Variants in VSNL1 observed in about 807,000 individuals in gnomAD.
The protein encoded by VSNL1 is visinin-like protein 1.
Under a neutral mutation model 20.4 loss-of-function variants are expected in VSNL1, and 6 were observed. That is an observed-to-expected ratio of 0.29 (90% CI 0.16 to 0.58). The LOEUF (loss-of-function observed/expected upper bound fraction) is 0.58, where lower values mean the gene tolerates loss of function less well. Among genes scored for constraint, VSNL1 ranks in the 20% least tolerant of loss-of-function variants. VSNL1 has a pLI of 0.90. For missense variants in VSNL1, 100 were observed against 234.5 expected (o/e 0.43, Z 3.75); for synonymous variants, 93 against 86.4 (o/e 1.08, Z -0.42).
intron 1 of VSNL1, among the ~76,000 whole-genome samples, chr2:17,552,264 T>TA (rs1483508391): frequency 6.6e-6 from 1 of 152,122 alleles, no homozygotes; most frequent in Admixed American, 6.5e-5. Context: ...TTACACGCGT[T>TA]ACTTCATTAC....
intron 2 of VSNL1, among the ~76,000 whole-genome samples, chr2:17,643,647 T>A (rs182824190): frequency 2.6e-5 from 4 of 152,274 alleles, no homozygotes; most frequent in South Asian, 4.1e-4. Context: ...TACAGTCTAC[T>A]AGGGAAAAAG....
chr2:17,629,730 A>C (rs1572209812), intron 2 of VSNL1, among the ~76,000 whole-genome samples: 1 of 152,238 alleles, frequency 6.6e-6, no homozygotes, highest in Non-Finnish European at 1.5e-5. Flanking sequence ...TTGTACCCGC[A>C]TTCAACAATT....
intron 2 of VSNL1, among the ~76,000 whole-genome samples, chr2:17,643,640 A>G (rs1277436880): frequency 6.6e-6 from 1 of 152,210 alleles, no homozygotes; most frequent in Admixed American, 6.5e-5. Context: ...TTTAGCTTAC[A>G]GTCTACTAGG....
upstream of VSNL1, chr2:17,540,520 A>C (rs1287260572): frequency 1.3e-5 from 2 of 152,732 alleles, no homozygotes; most frequent in Non-Finnish European, 1.5e-5. Flanking sequence ...AGCCCCTCCG[A>C]CTGAGCATGC....
intron 1 of VSNL1, among the ~76,000 whole-genome samples, chr2:17,572,411 A>G (rs1446658888): frequency 6.6e-6 from 1 of 152,106 alleles, no homozygotes; most frequent in African/African-American, 2.4e-5. Flanking sequence ...TCCAGGGCAG[A>G]GGTTTTGGGG....
chr2:17,645,830 G>T (rs1665979516), intron 2 of VSNL1, among the ~76,000 whole-genome samples: 1 of 144,342 alleles, frequency 6.9e-6, no homozygotes, highest in Admixed American at 6.8e-5. Flanking sequence ...CAGGGACAGG[G>T]TATGGAGTAC....
intron 1 of VSNL1, among the ~76,000 whole-genome samples, chr2:17,569,865 G>A (rs1664040813): frequency 1.3e-5 from 2 of 152,148 alleles, no homozygotes; most frequent in African/African-American, 4.8e-5. Context: ...AATTGCCAGA[G>A]CTCCATAATA....
intron 1 of VSNL1, among the ~76,000 whole-genome samples, chr2:17,571,870 T>TCTGA (rs1234946738): frequency 6.6e-6 from 1 of 152,190 alleles, no homozygotes; most frequent in African/African-American, 2.4e-5. Context: ...TGAGCAGTGA[T>TCTGA]CTGACTGGCA....
chr2:17,561,926 C>A (rs891348666), intron 1 of VSNL1, among the ~76,000 whole-genome samples: 10 of 152,096 alleles, frequency 6.6e-5, no homozygotes, highest in African/African-American at 2.4e-4. Context: ...AATGACACTC[C>A]CTTTACATTG....
intron 1 of VSNL1, among the ~76,000 whole-genome samples, chr2:17,586,552 C>T (rs930504929): frequency 3.9e-5 from 6 of 152,172 alleles, no homozygotes; most frequent in African/African-American, 1.4e-4. Context: ...GCTTCATATT[C>T]CAAGACTTGT....
At chr2:17,568,909 G>A (rs748526643) in intron 1 of VSNL1, among the ~76,000 whole-genome samples, 6 of 152,000 alleles carry the variant, frequency 3.9e-5, no homozygotes, top group Admixed American at 6.5e-5. Flanking sequence ...CATTAAATGT[G>A]GCTGATGAGA....
chr2:17,645,885 C>A (rs1665980914), intron 2 of VSNL1, among the ~76,000 whole-genome samples: 1 of 152,158 alleles, frequency 6.6e-6, no homozygotes, highest in Non-Finnish European at 1.5e-5. Flanking sequence ...AAGTCTCAGA[C>A]TCTGAAACTC....
chr2:17,584,092 C>A (rs1664412264), intron 1 of VSNL1, among the ~76,000 whole-genome samples: 2 of 152,138 alleles, frequency 1.3e-5, no homozygotes, highest in Admixed American at 1.3e-4. Flanking sequence ...TTCCAGTGGG[C>A]TAAGTAACTT....
chr2:17,646,065 T>C (rs1490562435), intron 2 of VSNL1, among the ~76,000 whole-genome samples: 3 of 152,226 alleles, frequency 2.0e-5, no homozygotes, highest in Admixed American at 2.0e-4. Context: ...TACTTCTTTA[T>C]ATGGTGGTTT....
chr2:17,634,326 AT>A lies in VSNL1; in HGVS notation c.163-15080del, dbSNP rs1665704873. On this transcript the variant is annotated intron_variant, in intron 2 of 3. Coordinates refer to ENST00000295156, the MANE Select transcript of VSNL1 (RefSeq NM_003385.5). This position sits in a 1 kb window ranked among gnomAD's most constrained non-coding sequence, Gnocchi z 4.3. ...ATAATTTTTAAAGAGGAAGCCCTAC[AT>A]TTTCCTTTTGCACTGAGCCCTGCAA... Among the ~76,000 whole-genome samples the A allele has an allele frequency of 6.6e-6, 1 of 152,052 alleles. No homozygotes were observed. The highest frequency in any genetic ancestry group is 1.5e-5 in the Non-Finnish European group (1 of 68,004).
chr2:17,624,503 G>A lies in VSNL1; in HGVS notation c.163-24907G>A, dbSNP rs189814831. Among the ~76,000 whole-genome samples the A allele has an allele frequency of 2.7e-4, 41 of 152,326 alleles. No individual in the cohort carries two copies. The East Asian group carries it at 7.3e-3, about 27-fold the overall frequency. ...TTACTAATCAGCTAACCTGAATATA[G>A]GGAGAGCATTCTGTATTATCCAGGT... On this transcript the variant is annotated intron_variant, in intron 2 of 3. Coordinates refer to ENST00000295156, the MANE Select transcript of VSNL1 (RefSeq NM_003385.5).
At chr2:17,654,226 A>G (rs1008749867) in intron 3 of VSNL1, among the ~76,000 whole-genome samples, 5 of 152,240 alleles carry the variant, frequency 3.3e-5, no homozygotes, top group African/African-American at 1.2e-4. Context: ...TAAGAAAGGA[A>G]ATAATTTATA....
At chr2:17,611,676 G>A (rs1239751142) in intron 2 of VSNL1, among the ~76,000 whole-genome samples, 1 of 152,222 alleles carries the variant, frequency 6.6e-6, no homozygotes, top group Non-Finnish European at 1.5e-5. Flanking sequence ...CTCAAGGTGC[G>A]AAAGGAGCCA....
At chr2:17,570,403 G>A (rs1664052468) in intron 1 of VSNL1, among the ~76,000 whole-genome samples, 1 of 152,134 alleles carries the variant, frequency 6.6e-6, no homozygotes, top group South Asian at 2.1e-4. Flanking sequence ...TTGACTTAAT[G>A]AGCTATTTAG....
Sources: gnomAD v4.1 joint callset for allele counts (sites outside exome capture counted in the v4.1 genomes callset) on GRCh38, gnomAD v4.1.1 for gene constraint, Gnocchi (gnomAD v3.1) non-coding constraint, MANE v1.5 for transcripts, NCBI Gene and HGNC (gene_info 2026-07-23, HGNC 2026-07-21) for gene names.